Variants in CHAF1B observed in about 807,000 individuals in gnomAD.
CHAF1B encodes chromatin assembly factor 1 subunit B.
A neutral mutation model predicts 60.7 loss-of-function variants in CHAF1B; 10 were observed. The observed-to-expected ratio is 0.16, with a 90% confidence interval of 0.10 to 0.28. The LOEUF (loss-of-function observed/expected upper bound fraction) is 0.28, where lower values mean the gene tolerates loss of function less well. Among genes scored for constraint, CHAF1B ranks in the 10% least tolerant of loss-of-function variants. The pLI is 1.00. For missense variants in CHAF1B, 558 were observed against 708.4 expected (o/e 0.79, Z 2.41); for synonymous variants, 261 against 266.1 (o/e 0.98, Z 0.19).
At chr21:36,386,010 G>A (rs937205982) in intron 1 of CHAF1B, 50 bp from the exon 2 acceptor site, 5 of 1,150,812 alleles carry the variant, frequency 4.3e-6, no homozygotes, top group Non-Finnish European at 5.0e-6. Flanking sequence ...CCTATTCAGC[G>A]CTCAATAACC....
At chr21:36,406,342 T>C (rs2086237802) in intron 8 of CHAF1B, among the ~76,000 whole-genome samples, 1 of 152,170 alleles carries the variant, frequency 6.6e-6, no homozygotes, top group South Asian at 2.1e-4. Flanking sequence ...CTTGAGAGCA[T>C]TGGCGTGATC....
chr21:36,387,786 C>A, intron 3 of CHAF1B, 56 bp downstream of exon 3: 48 of 1,458,460 alleles, frequency 3.3e-5, no homozygotes, highest in East Asian at 4.6e-5. Context: ...ACCTGTGTGT[C>A]TTGTGTCAGA....
chr21:36,399,049 T>C (rs2086165221), intron 6 of CHAF1B, among the ~76,000 whole-genome samples: 1 of 151,678 alleles, frequency 6.6e-6, no homozygotes, highest in Admixed American at 6.6e-5. Context: ...TTTTTTTTTT[T>C]TTTTTGAGAC....
At position 36,400,668 on chromosome 21, in the gene CHAF1B, G is replaced by C. The variant is rs531123744; in HGVS notation, c.663+1063G>C. ...GACAGGCAGGTCGAGCGTTGGATCT[G>C]TCTGGCAGCAGGCAGTTTACTATCT... is the stretch of plus-strand genomic sequence containing the variant. On this transcript the variant is annotated intron_variant, in intron 7 of 13. Coordinates refer to ENST00000314103, the MANE Select transcript of CHAF1B (RefSeq NM_005441.3). Among the ~76,000 whole-genome samples the C allele has an allele frequency of 3.1e-3, 465 of 152,226 alleles. 2 individuals are homozygous for C. Among genetic ancestry groups the C allele is most frequent in the African/African-American group, 0.011 (439 of 41,538 alleles).
chr21:36,414,399 T>C (rs1488099098), intron 12 of CHAF1B, among the ~76,000 whole-genome samples: 1 of 152,252 alleles, frequency 6.6e-6, no homozygotes, highest in African/African-American at 2.4e-5. Context: ...TTTAACGCCC[T>C]CTTAAAATCT....
At position 36,401,337 on chromosome 21, in the gene CHAF1B, A is replaced by ATTTATATTATATATAATATATT. The variant is rs1569125191; in HGVS notation, c.664-1409_664-1388dup. ...TAATATATACTTTAATATGTTATAT[A>ATTTATATTATATATAATATATT]TTTATATTATATATAATATATTTTT... is the stretch of plus-strand genomic sequence containing the variant. On this transcript the variant is annotated intron_variant, in intron 7 of 13. Coordinates refer to ENST00000314103, the MANE Select transcript of CHAF1B (RefSeq NM_005441.3). Among the ~76,000 whole-genome samples the ATTTATATTATATATAATATATT allele has an allele frequency of 4.1e-4, 58 of 142,410 alleles. 2 individuals are homozygous for ATTTATATTATATATAATATATT. The highest frequency in any genetic ancestry group is 1.4e-3 in the African/African-American group (54 of 39,024). The allele number at this position is 142,410 out of a possible 152,430, so 93.4% of individuals were successfully genotyped here.
At chr21:36,393,232 GGAGGGA>G (rs748425761) in intron 4 of CHAF1B, among the ~76,000 whole-genome samples, 51 of 151,952 alleles carry the variant, frequency 3.4e-4, no homozygotes, top group South Asian at 8.3e-4. Context: ...GGGAGACGGT[GGAGGGA>G]GAGGGAGAGG....
intron 5 of CHAF1B, 48 bp downstream of exon 5, chr21:36,394,698 C>A: frequency 2.8e-4 from 289 of 1,032,530 alleles, no homozygotes; most frequent in Non-Finnish European, 3.8e-4. Flanking sequence ...TTCTAAGCAT[C>A]TATAAAAGCC....
chr21:36,392,571 C>T (rs1436591873), intron 4 of CHAF1B, among the ~76,000 whole-genome samples: 5 of 147,220 alleles, frequency 3.4e-5, no homozygotes, highest in Admixed American at 3.4e-4. Context: ...ACCTCCTGGA[C>T]GGGGCAGCTG....
At position 36,402,811 on chromosome 21, in the gene CHAF1B, A is replaced by G; in HGVS notation, c.717A>G (p.Arg239=). The change falls in exon 8 of 14, where the codon AGA becomes AGG. Residue 239 remains arginine (R), a synonymous_variant. Coordinates refer to ENST00000314103, the MANE Select transcript of CHAF1B (RefSeq NM_005441.3). ...HDDSMKSFFR[R]LSFTPDGSLL... is the part of the protein sequence containing the mutation. ...ACAGCATGAAGTCTTTCTTCCGTAG[A>G]CTGAGTTTCACTCCCGACGGATCTT... 1 of 1,614,110 alleles carries G rather than the reference A, an allele frequency of 6.2e-7. No homozygotes were observed.
At chr21:36,411,303 G>A (rs1003222042) in intron 10 of CHAF1B, among the ~76,000 whole-genome samples, 160 bp from the exon 11 acceptor site, 2 of 151,768 alleles carry the variant, frequency 1.3e-5, no homozygotes, top group African/African-American at 2.4e-5. Context: ...TGATAGAGAC[G>A]GGGTTTTGCC....
intron 5 of CHAF1B, among the ~76,000 whole-genome samples, chr21:36,396,333 T>C (rs2086137635): frequency 7.4e-6 from 1 of 135,000 alleles, no homozygotes; most frequent in Admixed American, 8.2e-5. Context: ...TGTGATGGGT[T>C]GTTACTGAAC....
chr21:36,415,344 C>T lies in CHAF1B; in HGVS notation c.1543C>T (p.Pro515Ser), dbSNP rs1400250290. The T allele has an allele frequency of 6.2e-7, 1 of 1,612,782 alleles. No individual in the cohort carries two copies. The highest frequency in any genetic ancestry group is 2.2e-5 in the East Asian group (1 of 44,876). ...LKTDTPPSSV[P>S]TSVISTPSTE... ...GACGGACACTCCACCAAGTTCTGTA[C>T]CAACCAGTGTGATTTCCACCCCTTC... is the stretch of plus-strand genomic sequence containing the variant. The change falls in exon 13 of 14, where the codon CCA (proline) becomes TCA (serine). Residue 515 changes from proline to serine, a missense_variant. Coordinates refer to ENST00000314103, the MANE Select transcript of CHAF1B (RefSeq NM_005441.3).
rs893915140 is a variant in CHAF1B at position 36,416,465 on chromosome 21, G to A, written c.*99G>A. ...TGAGACCAGGGCTTCCATGGAGCGG[G>A]ACACACTGTAAATGGATTTCTATAA... On this transcript the variant is annotated 3_prime_UTR_variant, in exon 14 of 14. Transcript: ENST00000314103. 4.8e-6 allele frequency: 4 copies of A among 826,328 alleles called. No homozygotes were observed. Among genetic ancestry groups the A allele is most frequent in the South Asian group, 1.9e-5 (1 of 53,612 alleles). 51.2% of individuals were successfully genotyped at this position (826,328 alleles called of 1,614,324 possible). A position where few individuals can be genotyped will look rare whatever the true frequency, so the allele number is the denominator to read the frequency against.
At chr21:36,402,268 C>A (rs1217702359) in intron 7 of CHAF1B, among the ~76,000 whole-genome samples, 1 of 152,006 alleles carries the variant, frequency 6.6e-6, no homozygotes. Flanking sequence ...CCTATGATTG[C>A]GCCACTGCAC....
At chr21:36,391,333 G>T (rs1267449981) in intron 3 of CHAF1B, among the ~76,000 whole-genome samples, 1 of 152,002 alleles carries the variant, frequency 6.6e-6, no homozygotes, top group Non-Finnish European at 1.5e-5. Context: ...TAAAAATCCT[G>T]ACATGCAGCT....
At chr21:36,387,796 A>T in intron 3 of CHAF1B, 66 bp downstream of exon 3, 1 of 1,463,440 alleles carries the variant, frequency 6.8e-7, no homozygotes, top group Non-Finnish European at 9.5e-7. Context: ...CTTGTGTCAG[A>T]TAGTGAGATT....
chr21:36,401,732 T>C (rs1048308328), intron 7 of CHAF1B, among the ~76,000 whole-genome samples: 1 of 149,316 alleles, frequency 6.7e-6, no homozygotes, highest in African/African-American at 2.5e-5. Flanking sequence ...CTTGTGTTCT[T>C]AAGAATTAAA....
chr21:36,416,271 G>T lies in CHAF1B; in HGVS notation c.1589-4G>T, dbSNP rs755293288. 15 of 1,610,460 alleles carry T rather than the reference G, an allele frequency of 9.3e-6. 1 individual carries two copies. The South Asian group carries it at 1.6e-4, about 18-fold the overall frequency. ...TGCCAACCTTATGTTTGTTAATGTT[G>T]CAGAGACGCCTGGAGACGCTCAGGG... On this transcript the variant is annotated splice_region_variant and splice_polypyrimidine_tract_variant and intron_variant, in intron 13 of 13. Coordinates refer to ENST00000314103, the MANE Select transcript of CHAF1B (RefSeq NM_005441.3).
Sources: allele counts gnomAD v4.1 joint callset (sites outside exome capture counted in the v4.1 genomes callset), GRCh38; gene constraint gnomAD v4.1.1; transcripts MANE v1.5; gene names NCBI Gene and HGNC (gene_info 2026-07-23, HGNC 2026-07-21).